STPG2: variants seen among roughly 807,000 people sequenced by gnomAD.
STPG2 encodes sperm-tail PG-rich repeat-containing protein 2.
A neutral mutation model predicts 54.2 loss-of-function variants in STPG2; 56 were observed. That is an observed-to-expected ratio of 1.03 (90% CI 0.83 to 1.29). The LOEUF is 1.29. Among genes scored for constraint, STPG2 ranks in the 50% most tolerant of loss-of-function variants. The pLI, the probability that STPG2 is intolerant of heterozygous loss-of-function variation, is 0.00. For synonymous variants in STPG2, 200 were observed against 181.8 expected (o/e 1.10, Z -0.81); for missense variants, 596 against 544.9 (o/e 1.09, Z -0.93).
chr4:97,539,358 C>G (rs1299734887), intron 4 of STPG2, among the ~76,000 whole-genome samples: 1 of 151,786 alleles, frequency 6.6e-6, no homozygotes, highest in Non-Finnish European at 1.5e-5. Flanking sequence ...ATCTACCAAG[C>G]AAATGGAAAA....
rs192945005 is a variant in STPG2, at chr4:97,533,692, T to C, written c.462+179007A>G. On this transcript the variant is annotated intron_variant, in intron 4 of 4. Transcript: ENST00000522676. ...TATTATGTCAAATTTTTGAGATTTT[T>C]CCATATTATAGCATGTATCAATAAG... is the stretch of plus-strand genomic sequence containing the variant. Among the ~76,000 whole-genome samples, 631 of 152,256 alleles carry C rather than the reference T, an allele frequency of 4.1e-3. 3 individuals carry two copies. The highest frequency in any genetic ancestry group is 0.02 in the South Asian group (97 of 4,832).
chr4:97,643,220 C>A (rs1013047148), intron 10 of STPG2, among the ~76,000 whole-genome samples: 1 of 151,270 alleles, frequency 6.6e-6, no homozygotes, highest in African/African-American at 2.4e-5. Flanking sequence ...AGAGGTTGTT[C>A]AATTTCAGTG....
chr4:97,929,898 TTTTG>T (rs1032108604), intron 8 of STPG2, among the ~76,000 whole-genome samples: 24 of 152,174 alleles, frequency 1.6e-4, no homozygotes, highest in South Asian at 4.2e-4. Context: ...CTTCCAGTTT[TTTTG>T]TTTGTTTGTT....
chr4:97,491,458 G>T lies in STPG2; in HGVS notation c.462+221241C>A, dbSNP rs1730501675. Reference sequence around the variant, plus strand: ...TACTTGGTGCCAGACTTACAGAAATGCAGAAGACATAGTAGAGAGTATCAA... The same window carrying T: ...TACTTGGTGCCAGACTTACAGAAATTCAGAAGACATAGTAGAGAGTATCAA... On this transcript the variant is annotated intron_variant, in intron 4 of 4. Transcript: ENST00000522676. Among the ~76,000 whole-genome samples, 3 of 151,444 alleles carry T rather than the reference G, an allele frequency of 2.0e-5. No individual in the cohort carries two copies. The South Asian group carries it at 6.2e-4, about 31-fold the overall frequency.
At chr4:97,545,184 A>C (rs1235135028) in intron 4 of STPG2, among the ~76,000 whole-genome samples, 1 of 152,094 alleles carries the variant, frequency 6.6e-6, no homozygotes, top group Non-Finnish European at 1.5e-5. Flanking sequence ...TTTTTTCTTA[A>C]AAAGGTAAAG....
At chr4:97,849,260 C>A (rs533528958) in intron 8 of STPG2, among the ~76,000 whole-genome samples, 271 of 151,678 alleles carry the variant, frequency 1.8e-3, no homozygotes, top group African/African-American at 6.0e-3. Context: ...CTCTTTGAAG[C>A]AATTGTGAAT....
chr4:97,660,363 G>A (rs186889675), intron 10 of STPG2, among the ~76,000 whole-genome samples: 105 of 152,216 alleles, frequency 6.9e-4, no homozygotes, highest in Non-Finnish European at 1.5e-5. Flanking sequence ...TGCAGCTATT[G>A]AGCAACTGAA....
intron 4 of STPG2, among the ~76,000 whole-genome samples, chr4:97,497,457 T>C (rs1246719637): frequency 6.6e-6 from 1 of 151,908 alleles, no homozygotes; most frequent in Admixed American, 6.6e-5. Context: ...TTTTCTAACT[T>C]ATTTTTCAAA....
intron 10 of STPG2, among the ~76,000 whole-genome samples, chr4:97,638,601 A>G (rs1431488600): frequency 3.4e-5 from 5 of 148,012 alleles, no homozygotes; most frequent in Admixed American, 2.0e-4. Context: ...CTCATCTGAC[A>G]AAGGGCTAAT....
At chr4:98,009,130 G>A (rs1735661828) in intron 5 of STPG2, among the ~76,000 whole-genome samples, 1 of 151,506 alleles carries the variant, frequency 6.6e-6, no homozygotes, top group South Asian at 2.1e-4. Flanking sequence ...CTCTATTTCA[G>A]TGTTCTGTTC....
At chr4:97,901,036 G>C (rs2149186005) in intron 8 of STPG2, among the ~76,000 whole-genome samples, 1 of 151,986 alleles carries the variant, frequency 6.6e-6, no homozygotes, top group East Asian at 1.9e-4. Context: ...CACATTGCAA[G>C]TTCAAGATTT....
intron 10 of STPG2, among the ~76,000 whole-genome samples, chr4:97,604,881 T>C (rs1361644090): frequency 2.0e-5 from 3 of 151,782 alleles, no homozygotes; most frequent in Non-Finnish European, 4.4e-5. Flanking sequence ...TGTCTAGTAT[T>C]CTTTAAGAAA....
intron 1 of STPG2, among the ~76,000 whole-genome samples, chr4:98,142,174 C>T (rs766926864): frequency 2.0e-4 from 30 of 152,132 alleles, no homozygotes; most frequent in Non-Finnish European, 4.0e-4. Context: ...TACAATTCAA[C>T]ATGTGAAACA....
chr4:97,454,262 C>A (rs1729452744), intron 4 of STPG2, among the ~76,000 whole-genome samples: 1 of 151,568 alleles, frequency 6.6e-6, no homozygotes, highest in African/African-American at 2.4e-5. Flanking sequence ...GCCTGTAATC[C>A]CAGCACTTTG....
At chr4:97,497,947 T>C (rs1288472066) in intron 4 of STPG2, among the ~76,000 whole-genome samples, 3 of 151,866 alleles carry the variant, frequency 2.0e-5, no homozygotes, top group South Asian at 4.1e-4. Flanking sequence ...GCTTAACAAA[T>C]TTTAATGATG....
chr4:97,505,450 A>G (rs1730823691), intron 4 of STPG2, among the ~76,000 whole-genome samples: 1 of 151,952 alleles, frequency 6.6e-6, no homozygotes, highest in Non-Finnish European at 1.5e-5. Flanking sequence ...AAATTAATAG[A>G]GAGAAAAGAG....
chr4:97,862,954 G>A (rs143302899), intron 8 of STPG2, among the ~76,000 whole-genome samples: 1,590 of 152,292 alleles, frequency 0.01, 32 homozygotes, highest in African/African-American at 0.036. Flanking sequence ...GCAGTGTGTA[G>A]AGGGAAATTT....
At chr4:98,019,239 C>T (rs1181534285) in intron 5 of STPG2, among the ~76,000 whole-genome samples, 1 of 152,142 alleles carries the variant, frequency 6.6e-6, no homozygotes, top group Non-Finnish European at 1.5e-5. Context: ...CTACATATGG[C>T]TAGCCAGGTG....
intron 5 of STPG2, among the ~76,000 whole-genome samples, chr4:97,981,907 C>T (rs1367379952): frequency 6.4e-5 from 9 of 141,528 alleles, no homozygotes; most frequent in South Asian, 2.2e-4. Context: ...TTTTTTGAGA[C>T]GGAGTCTCGC....
Sources: allele counts gnomAD v4.1 joint callset (sites outside exome capture counted in the v4.1 genomes callset), GRCh38; gene constraint gnomAD v4.1.1; transcripts MANE v1.5; gene names NCBI Gene and HGNC (gene_info 2026-07-23, HGNC 2026-07-21).